The following LRRTM4 variants were observed in gnomAD, a reference collection of about 807,000 sequenced individuals.
LRRTM4 encodes leucine rich repeat transmembrane neuronal 4.
In LRRTM4, 25 loss-of-function variants were observed where a neutral mutation model predicts 47.6. The ratio of observed to expected loss-of-function variants is 0.53; its 90% CI spans 0.38 to 0.73. The LOEUF (loss-of-function observed/expected upper bound fraction) is 0.73, where lower values mean the gene tolerates loss of function less well. Among genes scored for constraint, LRRTM4 ranks in the 30% least tolerant of loss-of-function variants. LRRTM4 has a pLI of 0.00. For missense variants in LRRTM4, 638 were observed against 713.4 expected (o/e 0.89, Z 1.20); for synonymous variants, 311 against 269.5 (o/e 1.15, Z -1.51).
At chr2:77,282,427 T>G (rs552518967) in intron 3 of LRRTM4, among the ~76,000 whole-genome samples, 1 of 151,854 alleles carries the variant, frequency 6.6e-6, no homozygotes, top group Non-Finnish European at 1.5e-5. Flanking sequence ...GGACGCCTTT[T>G]ATTTATTTAT....
intron 3 of LRRTM4, among the ~76,000 whole-genome samples, chr2:77,503,520 T>C (rs973047523): frequency 3.3e-5 from 5 of 151,698 alleles, no homozygotes; most frequent in African/African-American, 1.2e-4. Flanking sequence ...TATTTATACA[T>C]GTGGGGAACT....
chr2:76,950,783 T>C (rs1006141304), intron 3 of LRRTM4, among the ~76,000 whole-genome samples: 1 of 151,970 alleles, frequency 6.6e-6, no homozygotes, highest in South Asian at 2.1e-4. Context: ...AGAGCAGTTG[T>C]AGGTACTTTT....
At chr2:77,078,817 A>G (rs1680434309) in intron 3 of LRRTM4, among the ~76,000 whole-genome samples, 2 of 152,282 alleles carry the variant, frequency 1.3e-5, no homozygotes, top group Admixed American at 6.5e-5. Flanking sequence ...ACAAAATACT[A>G]TAGACTGAGT....
chr2:76,802,221 T>A, intron 3 of LRRTM4, among the ~76,000 whole-genome samples: 1 of 123,756 alleles, frequency 8.1e-6, no homozygotes, highest in South Asian at 2.8e-4. Flanking sequence ...ATACAAAAAA[T>A]CCTAAAGACT....
intron 3 of LRRTM4, among the ~76,000 whole-genome samples, chr2:77,251,186 T>TAC (rs1383826908): frequency 8.8e-4 from 28 of 31,678 alleles, no homozygotes; most frequent in African/African-American, 3.3e-3. Context: ...TGTGTATATA[T>TAC]ATACACACAC....
chr2:76,828,689 T>G (rs533084758), intron 3 of LRRTM4, among the ~76,000 whole-genome samples: 1 of 152,064 alleles, frequency 6.6e-6, no homozygotes, highest in South Asian at 2.1e-4. Flanking sequence ...GAAAAGGCAC[T>G]TTAATTAATG....
At chr2:77,113,980 A>C (rs1463022574) in intron 3 of LRRTM4, among the ~76,000 whole-genome samples, 1 of 152,110 alleles carries the variant, frequency 6.6e-6, no homozygotes, top group Non-Finnish European at 1.5e-5. Context: ...CCAGGGGGTA[A>C]TGTTAAGCCA....
chr2:77,074,719 A>G (rs1680275828), intron 3 of LRRTM4, among the ~76,000 whole-genome samples: 1 of 152,204 alleles, frequency 6.6e-6, no homozygotes, highest in African/African-American at 2.4e-5. Context: ...AAACATTAGC[A>G]TGAAAAAAGG....
intron 3 of LRRTM4, among the ~76,000 whole-genome samples, chr2:77,087,502 A>G (rs535892628): frequency 9.8e-5 from 15 of 152,382 alleles, no homozygotes; most frequent in African/African-American, 3.6e-4. Flanking sequence ...TGAAAGCCCA[A>G]ATGTACTCAA....
At chr2:76,995,061 G>C (rs1219145817) in intron 3 of LRRTM4, among the ~76,000 whole-genome samples, 4 of 151,918 alleles carry the variant, frequency 2.6e-5, no homozygotes, top group Non-Finnish European at 5.9e-5. Flanking sequence ...ACTTGAGATT[G>C]GTAGGAGAAA....
intron 3 of LRRTM4, among the ~76,000 whole-genome samples, chr2:77,230,570 C>A (rs1674934301): frequency 1.3e-5 from 2 of 152,058 alleles, no homozygotes; most frequent in African/African-American, 2.4e-5. Context: ...TAATTATAAT[C>A]TTTTTGACAT....
In LRRTM4 at chr2:77,095,063, C is replaced by CA. The variant is rs1670769414; in HGVS notation, c.1552-346148dup. Reference sequence around the variant, plus strand: ...TAGTATCCAAAATATGTAAGAAACTCAAACAATTAAATAGCAATAACCTAA... The same window carrying CA: ...TAGTATCCAAAATATGTAAGAAACTCAAAACAATTAAATAGCAATAACCTAA... On this transcript the variant is annotated intron_variant, in intron 3 of 3. Transcript: ENST00000409884. Among the ~76,000 whole-genome samples, 5 of 152,224 alleles carry CA rather than the reference C, an allele frequency of 3.3e-5. No individual in the cohort carries two copies. The South Asian group carries it at 1.0e-3, about 32-fold the overall frequency.
chr2:76,843,873 G>T (rs61180237), intron 3 of LRRTM4, among the ~76,000 whole-genome samples: 28,370 of 150,766 alleles, frequency 0.19, 3,544 homozygotes, highest in East Asian at 0.43. Flanking sequence ...CAAAGCCCAT[G>T]CTTTAAAACA....
At chr2:76,784,738 CG>C (rs1418493446) in intron 3 of LRRTM4, among the ~76,000 whole-genome samples, 2 of 151,866 alleles carry the variant, frequency 1.3e-5, no homozygotes, top group Non-Finnish European at 2.9e-5. Flanking sequence ...TATAAAATAC[CG>C]TAACTGTGCT....
chr2:77,412,870 T>C (rs1558731813), intron 3 of LRRTM4, among the ~76,000 whole-genome samples: 1 of 152,342 alleles, frequency 6.6e-6, no homozygotes, highest in East Asian at 1.9e-4. Flanking sequence ...TTTTTGTGAC[T>C]CAGTTTTTTT....
chr2:76,773,308 A>G (rs1241671794), intron 3 of LRRTM4, among the ~76,000 whole-genome samples: 1 of 152,230 alleles, frequency 6.6e-6, no homozygotes, highest in Non-Finnish European at 1.5e-5. Flanking sequence ...AGCTCAGTCC[A>G]GGGCTTACAC....
At chr2:77,048,471 T>C (rs115577207) in intron 3 of LRRTM4, among the ~76,000 whole-genome samples, 3 of 152,042 alleles carry the variant, frequency 2.0e-5, no homozygotes, top group African/African-American at 4.8e-5. Context: ...ACTTTCTTAA[T>C]CTTGAAAATT....
chr2:77,053,133 T>C lies in LRRTM4; in HGVS notation c.1552-304217A>G, dbSNP rs377315884. ...ACTGGTTTAAAGAAACCGTAACTAG[T>C]AGACAAAATGCAAATGTATCAGTAA... On this transcript the variant is annotated intron_variant, in intron 3 of 3. Coordinates refer to ENST00000409884, the MANE Select transcript of LRRTM4 (RefSeq NM_001134745.3). Among the ~76,000 whole-genome samples, 7 of 152,250 alleles carry C rather than the reference T, an allele frequency of 4.6e-5. No individual in the cohort carries two copies. The South Asian group carries it at 1.2e-3, about 27-fold the overall frequency.
intron 3 of LRRTM4, among the ~76,000 whole-genome samples, chr2:77,009,991 G>A (rs988264421): frequency 6.6e-6 from 1 of 150,542 alleles, no homozygotes; most frequent in African/African-American, 2.4e-5. Flanking sequence ...AAAAAAAGTT[G>A]ATTTAACTTT....
Sources: gnomAD v4.1 joint callset for allele counts (sites outside exome capture counted in the v4.1 genomes callset) on GRCh38, gnomAD v4.1.1 for gene constraint, MANE v1.5 for transcripts, NCBI Gene and HGNC (gene_info 2026-07-23, HGNC 2026-07-21) for gene names.